Variants in MAF observed in about 807,000 individuals in gnomAD.
MAF encodes the protein transcription factor Maf.
In MAF, 10 loss-of-function variants were observed where a neutral mutation model predicts 22.0. The observed-to-expected ratio is 0.45, with a 90% CI of 0.28 to 0.77. The LOEUF (loss-of-function observed/expected upper bound fraction) is 0.77, where lower values mean the gene tolerates loss of function less well. Among genes scored for constraint, MAF ranks in the 30% least tolerant of loss-of-function variants. The pLI, the probability that MAF is intolerant of heterozygous loss-of-function variation, is 0.12. For synonymous variants in MAF, 337 were observed against 255.8 expected (o/e 1.32, Z -3.03); for missense variants, 544 against 548.4 (o/e 0.99, Z 0.08).
At chr16:79,434,767 A>G in the MAF span, among the ~76,000 whole-genome samples, 4 of 152,156 alleles carry the variant, frequency 2.6e-5, no homozygotes, top group Admixed American at 1.3e-4. Flanking sequence ...AATGATATAA[A>G]TATTACATTT....
chr16:79,228,984 A>C, the MAF span, among the ~76,000 whole-genome samples: 1 of 151,898 alleles, frequency 6.6e-6, no homozygotes, highest in Non-Finnish European at 1.5e-5. Context: ...CATCGTTAAC[A>C]CACATCCATC....
At chr16:79,493,401 T>G in the MAF span, among the ~76,000 whole-genome samples, 1 of 152,146 alleles carries the variant, frequency 6.6e-6, no homozygotes, top group African/African-American at 2.4e-5. Context: ...AGGCTGCTCT[T>G]GAACTCCTGA....
chr16:79,537,632 G>A, the MAF span, among the ~76,000 whole-genome samples: 1 of 152,136 alleles, frequency 6.6e-6, no homozygotes, highest in Admixed American at 6.5e-5. Context: ...TTAGGAACAG[G>A]TTGCTGATTG....
the MAF span, among the ~76,000 whole-genome samples, chr16:79,553,548 G>A: frequency 6.6e-6 from 1 of 152,226 alleles, no homozygotes; most frequent in East Asian, 1.9e-4. Context: ...AACACAGTCT[G>A]TCATCTCACC....
chr16:79,564,253 T>A, the MAF span, among the ~76,000 whole-genome samples: 1 of 152,212 alleles, frequency 6.6e-6, no homozygotes, highest in Non-Finnish European at 1.5e-5. Flanking sequence ...AAGGAGTATT[T>A]CTTGGTCCTA....
the MAF span, among the ~76,000 whole-genome samples, chr16:79,423,185 T>G: frequency 4.6e-5 from 7 of 152,220 alleles, no homozygotes; most frequent in African/African-American, 1.7e-4. Context: ...AGGATGTACC[T>G]ATACCGCAAG....
chr16:79,515,423 T>C, the MAF span, among the ~76,000 whole-genome samples: 1 of 152,232 alleles, frequency 6.6e-6, no homozygotes, highest in Admixed American at 6.5e-5. Context: ...TTCAGTACAG[T>C]AGTCAATGAA....
downstream of MAF, among the ~76,000 whole-genome samples, chr16:79,584,967 G>C (rs1029748066): frequency 6.6e-6 from 1 of 152,070 alleles, no homozygotes; most frequent in African/African-American, 2.4e-5. Context: ...CCTTTGCAAA[G>C]AGCAGCAATT....
chr16:79,468,107 G>T, the MAF span, among the ~76,000 whole-genome samples: 1 of 152,154 alleles, frequency 6.6e-6, no homozygotes, highest in African/African-American at 2.4e-5. Flanking sequence ...TTGACAAAGA[G>T]ACAGCAGCCA....
the MAF span, among the ~76,000 whole-genome samples, chr16:79,573,725 A>G: frequency 6.6e-6 from 1 of 152,242 alleles, no homozygotes; most frequent in Non-Finnish European, 1.5e-5. Context: ...ACTTTCTAAT[A>G]TATGTCCAAA....
At chr16:79,502,839 G>T in the MAF span, among the ~76,000 whole-genome samples, 2 of 147,978 alleles carry the variant, frequency 1.4e-5, no homozygotes, top group Non-Finnish European at 3.0e-5. Flanking sequence ...AACTCTGTAG[G>T]GTGATGGAAA....
At chr16:79,388,488 G>C in the MAF span, among the ~76,000 whole-genome samples, 10 of 152,094 alleles carry the variant, frequency 6.6e-5, no homozygotes, top group African/African-American at 2.4e-4. Flanking sequence ...GTCATTCTTT[G>C]CTATTTTCTT....
chr16:79,338,565 T>C, the MAF span, among the ~76,000 whole-genome samples: 7 of 151,204 alleles, frequency 4.6e-5, no homozygotes, highest in Non-Finnish European at 8.8e-5. Flanking sequence ...GTTGAAAACG[T>C]ACAAGGTTAC....
the MAF span, among the ~76,000 whole-genome samples, chr16:79,502,242 G>C: frequency 6.6e-6 from 1 of 152,168 alleles, no homozygotes; most frequent in African/African-American, 2.4e-5. Flanking sequence ...GACTAGCCAA[G>C]CACAAGCCTG....
chr16:79,510,820 T>G, the MAF span, among the ~76,000 whole-genome samples: 1 of 152,248 alleles, frequency 6.6e-6, no homozygotes. Context: ...CATTTCTGCA[T>G]GCAGGCCCTG....
the MAF span, among the ~76,000 whole-genome samples, chr16:79,360,986 T>C: frequency 6.6e-6 from 1 of 152,180 alleles, no homozygotes. Flanking sequence ...TGGCAAAAGC[T>C]ACGAATCAAG....
chr16:79,207,649 C>T, the MAF span, among the ~76,000 whole-genome samples: 1 of 152,162 alleles, frequency 6.6e-6, no homozygotes, highest in African/African-American at 2.4e-5. Flanking sequence ...TACTTTAAGA[C>T]AGGAATCTCC....
the MAF span, among the ~76,000 whole-genome samples, chr16:79,416,433 T>C: frequency 2.6e-5 from 4 of 151,874 alleles, no homozygotes; most frequent in Admixed American, 1.3e-4. Flanking sequence ...GTGCTTCTGT[T>C]TCTCTTCACG....
chr16:79,586,129 A>G (rs1021163973), intron 1 of MAF, among the ~76,000 whole-genome samples: 21 of 152,168 alleles, frequency 1.4e-4, no homozygotes, highest in Admixed American at 2.6e-4. Flanking sequence ...GGAGGGGTTG[A>G]CGTGGAAGGG....
Sources: gnomAD v4.1 joint callset for allele counts (sites outside exome capture counted in the v4.1 genomes callset) on GRCh38, gnomAD v4.1.1 for gene constraint, MANE v1.5 for transcripts, NCBI Gene and HGNC (gene_info 2026-07-23, HGNC 2026-07-21) for gene names.